The following CADM1 variants were observed in gnomAD, a reference collection of about 807,000 sequenced individuals.
CADM1 encodes the protein TSLC-1.
Under a neutral mutation model 53.1 loss-of-function variants are expected in CADM1, and 15 were observed. The ratio of observed to expected loss-of-function variants is 0.28; its 90% CI spans 0.19 to 0.44. The LOEUF is 0.44. Ranked by LOEUF, CADM1 falls within the 20% of genes least tolerant of loss-of-function variation. CADM1 has a pLI of 1.00. For synonymous variants in CADM1, 281 were observed against 243.0 expected (o/e 1.16, Z -1.45); for missense variants, 434 against 611.3 (o/e 0.71, Z 3.06).
At chr11:115,197,610 C>T (rs1321816914) in intron 9 of CADM1, among the ~76,000 whole-genome samples, 2 of 152,106 alleles carry the variant, frequency 1.3e-5, no homozygotes, top group Non-Finnish European at 2.9e-5. Context: ...AAAAAGAGAT[C>T]ATATTTCCTG....
intron 8 of CADM1, among the ~76,000 whole-genome samples, chr11:115,201,315 G>T (rs554539129): frequency 6.6e-6 from 1 of 152,134 alleles, no homozygotes; most frequent in Non-Finnish European, 1.5e-5. Flanking sequence ...TATGCTACTT[G>T]AACAGAGGTT....
chr11:115,334,672 A>T (rs1320665346), intron 1 of CADM1, among the ~76,000 whole-genome samples: 1 of 152,072 alleles, frequency 6.6e-6, no homozygotes, highest in Non-Finnish European at 1.5e-5. Flanking sequence ...TCCACTGGGG[A>T]TCTTGGAATA....
chr11:115,334,481 C>G (rs145924584), intron 1 of CADM1, among the ~76,000 whole-genome samples: 2 of 150,868 alleles, frequency 1.3e-5, no homozygotes, highest in Non-Finnish European at 2.9e-5. Context: ...TGATGAGTAC[C>G]CCATCAGGTG....
intron 1 of CADM1, among the ~76,000 whole-genome samples, chr11:115,304,122 G>A (rs1269313292): frequency 2.6e-5 from 4 of 152,092 alleles, no homozygotes; most frequent in African/African-American, 7.2e-5. Context: ...GCTTTATAAT[G>A]TTAGACATGT....
chr11:115,334,097 T>C (rs1945200733), intron 1 of CADM1, among the ~76,000 whole-genome samples: 1 of 152,198 alleles, frequency 6.6e-6, no homozygotes, highest in South Asian at 2.1e-4. Context: ...TATGTCCTTC[T>C]ACATGTTTGT....
At chr11:115,337,857 C>T (rs75600392) in intron 1 of CADM1, among the ~76,000 whole-genome samples, 1,624 of 152,188 alleles carry the variant, frequency 0.011, 24 homozygotes, top group African/African-American at 0.036. Flanking sequence ...CATACTGATA[C>T]GTCTAGTAAT....
intron 1 of CADM1, 116 bp from the exon 2 acceptor site, chr11:115,240,536 T>A (rs1439829499): frequency 5.8e-6 from 6 of 1,034,180 alleles, no homozygotes; most frequent in Non-Finnish European, 7.3e-6. Flanking sequence ...GTAGCAACAT[T>A]TAGCATGGCT....
intron 1 of CADM1, among the ~76,000 whole-genome samples, chr11:115,261,042 C>G (rs948137255): frequency 1.3e-5 from 2 of 151,982 alleles, no homozygotes; most frequent in African/African-American, 4.8e-5. Context: ...TAGAGTCTAC[C>G]CACTTGTTAC....
chr11:115,430,072 T>G (rs919169440), intron 1 of CADM1, among the ~76,000 whole-genome samples: 3 of 152,150 alleles, frequency 2.0e-5, no homozygotes, highest in Admixed American at 1.3e-4. Context: ...TAGGGTAACC[T>G]TTGGAAAAAT....
chr11:115,429,209 T>C (rs1947975539), intron 1 of CADM1, among the ~76,000 whole-genome samples: 1 of 151,626 alleles, frequency 6.6e-6, no homozygotes, highest in South Asian at 2.1e-4. Flanking sequence ...AAAAAAATGA[T>C]TTATTAAAAA....
intron 1 of CADM1, among the ~76,000 whole-genome samples, chr11:115,260,080 C>G (rs1777508045): frequency 1.3e-5 from 2 of 152,168 alleles, no homozygotes; most frequent in African/African-American, 4.8e-5. Context: ...GCACATGCCA[C>G]CATGCCTAAT....
At chr11:115,476,265 A>T (rs1359008040) in intron 1 of CADM1, among the ~76,000 whole-genome samples, 1 of 152,230 alleles carries the variant, frequency 6.6e-6, no homozygotes, top group African/African-American at 2.4e-5. Flanking sequence ...TTTATAATAT[A>T]AAAACAAAGG....
At chr11:115,357,306 A>G (rs1156543154) in intron 1 of CADM1, among the ~76,000 whole-genome samples, 1 of 152,250 alleles carries the variant, frequency 6.6e-6, no homozygotes, top group Non-Finnish European at 1.5e-5. Context: ...ATACCGGGAA[A>G]GTAAACAGAA....
intron 1 of CADM1, among the ~76,000 whole-genome samples, chr11:115,276,049 GGTT>G (rs1470710438): frequency 1.1e-4 from 16 of 152,002 alleles, no homozygotes; most frequent in African/African-American, 3.9e-4. Context: ...GGAGAAAACA[GGTT>G]ATTTAAAATT....
intron 1 of CADM1, among the ~76,000 whole-genome samples, chr11:115,446,985 G>GA (rs1280362379): frequency 1.3e-5 from 2 of 152,022 alleles, no homozygotes; most frequent in African/African-American, 2.4e-5. Flanking sequence ...GGTACAGCTA[G>GA]AAAAAAAGAG....
chr11:115,470,918 G>A (rs1341494514), intron 1 of CADM1, among the ~76,000 whole-genome samples: 3 of 152,166 alleles, frequency 2.0e-5, no homozygotes, highest in East Asian at 1.9e-4. Flanking sequence ...GAAGGACCCC[G>A]AAGTCAAAAC....
rs1555061126 is a variant in CADM1, at chr11:115,308,175, GTA to G, written c.125-67757_125-67756del. ...TGTGTGTGTGTGTGTGTGTGTGTGT[GTA>G]TATCACTCATAGGTGTGTATATATA... On this transcript the variant is annotated intron_variant, in intron 1 of 11. Coordinates refer to ENST00000331581, the MANE Select transcript of CADM1 (RefSeq NM_001301043.2). 8.8e-3 allele frequency among the ~76,000 whole-genome samples: 1,033 copies of G among 117,382 alleles called. 14 individuals are homozygous for G. Among genetic ancestry groups the G allele is most frequent in the African/African-American group, 0.029 (783 of 26,546 alleles). The allele number at this position is 117,382 out of a possible 152,430, so 77.0% of individuals were successfully genotyped here. A position where few individuals can be genotyped will look rare whatever the true frequency, so the allele number is the denominator to read the frequency against.
At chr11:115,449,871 G>T (rs1591254880) in intron 1 of CADM1, among the ~76,000 whole-genome samples, 1 of 152,034 alleles carries the variant, frequency 6.6e-6, no homozygotes, top group East Asian at 1.9e-4. Flanking sequence ...CCTTAAGTAT[G>T]CATTTTGCTA....
At chr11:115,309,277 A>G (rs1475586767) in intron 1 of CADM1, among the ~76,000 whole-genome samples, 2 of 152,120 alleles carry the variant, frequency 1.3e-5, no homozygotes, top group South Asian at 2.1e-4. Context: ...TCAACGCTCC[A>G]AAAAAGTTTA....
Sources: gnomAD v4.1 joint callset for allele counts (sites outside exome capture counted in the v4.1 genomes callset) on GRCh38, gnomAD v4.1.1 for gene constraint, MANE v1.5 for transcripts, NCBI Gene and HGNC (gene_info 2026-07-23, HGNC 2026-07-21) for gene names.